KIAA0232: variants seen among roughly 807,000 people sequenced by gnomAD.
KIAA0232 encodes uncharacterized protein KIAA0232.
Under a neutral mutation model 122.0 loss-of-function variants are expected in KIAA0232, and 27 were observed. That is an observed-to-expected ratio of 0.22 (90% CI 0.16 to 0.31). KIAA0232 has a LOEUF of 0.31. Ranked by LOEUF, KIAA0232 falls within the 10% of genes least tolerant of loss-of-function variation. KIAA0232 has a pLI of 1.00. For synonymous variants in KIAA0232, 613 were observed against 587.6 expected (o/e 1.04, Z -0.63); for missense variants, 1,551 against 1,634.2 (o/e 0.95, Z 0.88).
chr4:6,859,123 AC>A lies in KIAA0232; in HGVS notation c.518+618del, dbSNP rs1223773794. ...ATTAAAAAAAAAAAAAAAAAAAAAAACAAGAAAGAAAAGAAATGATTATCCA... is the reference window on the plus strand; with the variant it reads ...ATTAAAAAAAAAAAAAAAAAAAAAAAAAGAAAGAAAAGAAATGATTATCCA... On this transcript the variant is annotated intron_variant, in intron 6 of 9. Coordinates refer to ENST00000307659, the MANE Select transcript of KIAA0232 (RefSeq NM_014743.3). Among the ~76,000 whole-genome samples the A allele has an allele frequency of 4.6e-4, 66 of 142,756 alleles. 1 individual carries two copies. In the South Asian group the frequency reaches 0.011, roughly 23 times the overall value. 93.7% of individuals were successfully genotyped at this position (142,756 alleles called of 152,430 possible). A position where few individuals can be genotyped will look rare whatever the true frequency, so the allele number is the denominator to read the frequency against.
At chr4:6,784,970 C>G (rs991666667) in intron 1 of KIAA0232, among the ~76,000 whole-genome samples, 8 of 146,578 alleles carry the variant, frequency 5.5e-5, no homozygotes, top group African/African-American at 2.0e-4. Flanking sequence ...GACGGAGTCT[C>G]GCTCTGCCGC....
At chr4:6,867,897 C>G (rs139885936) in intron 7 of KIAA0232, among the ~76,000 whole-genome samples, 21 of 152,220 alleles carry the variant, frequency 1.4e-4, no homozygotes, top group African/African-American at 5.1e-4. Flanking sequence ...CACTCTGCAC[C>G]TCTGTGAACT....
intron 3 of KIAA0232, among the ~76,000 whole-genome samples, chr4:6,829,794 G>A (rs1718873351): frequency 1.3e-5 from 2 of 152,160 alleles, no homozygotes; most frequent in African/African-American, 4.8e-5. Flanking sequence ...AACTTAAAAT[G>A]GGAGTTAACT....
At chr4:6,842,323 A>G (rs1274764663) in intron 4 of KIAA0232, 119 bp downstream of exon 4, 5 of 982,204 alleles carry the variant, frequency 5.1e-6, no homozygotes, top group Non-Finnish European at 1.5e-6. Flanking sequence ...TTATTTTACC[A>G]AGTAACATGA....
rs62289421 is a variant in KIAA0232, at chr4:6,784,226, T to C, written c.-354+1385T>C. On this transcript the variant is annotated intron_variant, in intron 1 of 9. Transcript: ENST00000307659. ...TACTTTGACTTACTGTTCAAGTTCC[T>C]AAGAAGGGATTTTACATTTCTGGGT... 4.0e-3 allele frequency among the ~76,000 whole-genome samples: 609 copies of C among 152,134 alleles called. 3 individuals carry two copies. Among genetic ancestry groups the C allele is most frequent in the Non-Finnish European group, 5.1e-3 (344 of 68,012 alleles).
In KIAA0232 at chr4:6,878,379, T is replaced by TCATTCATACATACATA. The variant is rs1553847005; in HGVS notation, c.4008+1625_4008+1626insTCATACATACATACAT. On this transcript the variant is annotated intron_variant, in intron 9 of 9. Coordinates refer to ENST00000307659, the MANE Select transcript of KIAA0232 (RefSeq NM_014743.3). ...GACAGAGCAAAACTCCATCATTCAT[T>TCATTCATACATACATA]CATACATACATACATACATACATAC... Among the ~76,000 whole-genome samples the TCATTCATACATACATA allele has an allele frequency of 1.3e-4, 20 of 149,198 alleles. 1 individual carries two copies. Among genetic ancestry groups the TCATTCATACATACATA allele is most frequent in the African/African-American group, 1.3e-4 (5 of 39,498 alleles).
intron 2 of KIAA0232, among the ~76,000 whole-genome samples, chr4:6,816,401 G>A (rs1313448639): frequency 6.6e-6 from 1 of 151,656 alleles, no homozygotes. Context: ...TCCTGCCTCA[G>A]CCTTCCGAGT....
At chr4:6,869,502 A>C (rs1721355845) in intron 7 of KIAA0232, among the ~76,000 whole-genome samples, 1 of 152,202 alleles carries the variant, frequency 6.6e-6, no homozygotes, top group South Asian at 2.1e-4. Flanking sequence ...CCTTGGAAGA[A>C]CTGCAGGCCT....
chr4:6,802,743 A>G (rs1020132849), intron 1 of KIAA0232, among the ~76,000 whole-genome samples: 3 of 152,170 alleles, frequency 2.0e-5, no homozygotes, highest in African/African-American at 4.8e-5. Flanking sequence ...TGATTCAGGT[A>G]TAGAGCAAGG....
At chr4:6,789,808 C>G (rs1047430879) in intron 1 of KIAA0232, among the ~76,000 whole-genome samples, 11 of 152,172 alleles carry the variant, frequency 7.2e-5, no homozygotes, top group African/African-American at 2.7e-4. Context: ...GGGAGGATCA[C>G]TTGAGCCCAG....
At position 6,801,481 on chromosome 4, in the gene KIAA0232, G is replaced by A. The variant is rs1009143410; in HGVS notation, c.-353-3042G>A. On this transcript the variant is annotated intron_variant, in intron 1 of 9. Transcript: ENST00000307659. ...AGGTGGGAGGATTGCTTGAGCCTAGGAGTTCGTGACCAGCCTGAGCAATGT... is the reference window on the plus strand; with the variant it reads ...AGGTGGGAGGATTGCTTGAGCCTAGAAGTTCGTGACCAGCCTGAGCAATGT... 2.0e-5 allele frequency among the ~76,000 whole-genome samples: 3 copies of A among 152,138 alleles called. No individual in the cohort carries two copies. In the East Asian group the frequency reaches 5.8e-4, roughly 29 times the overall value.
chr4:6,867,797 A>G (rs777229343), intron 7 of KIAA0232, among the ~76,000 whole-genome samples: 2 of 152,138 alleles, frequency 1.3e-5, no homozygotes, highest in Non-Finnish European at 2.9e-5. Context: ...GCGGTAGGTT[A>G]TTTTCCCCAC....
intron 2 of KIAA0232, among the ~76,000 whole-genome samples, chr4:6,821,175 G>A (rs1428649427): frequency 2.0e-5 from 3 of 152,270 alleles, no homozygotes; most frequent in South Asian, 4.1e-4. Flanking sequence ...ATCAGAGAAA[G>A]CATTTGTTTC....
chr4:6,864,395 A>G (rs959772140), intron 7 of KIAA0232, among the ~76,000 whole-genome samples: 1 of 152,194 alleles, frequency 6.6e-6, no homozygotes, highest in African/African-American at 2.4e-5. Context: ...TCTGGAGAGA[A>G]AAAGCTTTTA....
rs148601327 is a variant in KIAA0232 at position 6,840,420 on chromosome 4, G to A, written c.232-1647G>A. Among the ~76,000 whole-genome samples the A allele has an allele frequency of 8.5e-3, 1,298 of 152,284 alleles. 7 individuals carry two copies. The highest frequency in any genetic ancestry group is 0.014 in the Non-Finnish European group (936 of 68,016). ...GGTCATTTAGGCACTGTGAGGCAGG[G>A]GCGTATGCTCAGCAGCTAGCCTCCA... On this transcript the variant is annotated intron_variant, in intron 3 of 9. Coordinates refer to ENST00000307659, the MANE Select transcript of KIAA0232 (RefSeq NM_014743.3).
chr4:6,838,520 T>C (rs1424218248), intron 3 of KIAA0232, among the ~76,000 whole-genome samples: 1 of 152,182 alleles, frequency 6.6e-6, no homozygotes, highest in African/African-American at 2.4e-5. Flanking sequence ...ATGAGGCTTC[T>C]GAGGTTACTG....
intron 1 of KIAA0232, among the ~76,000 whole-genome samples, chr4:6,794,095 A>C (rs556764917): frequency 1.4e-4 from 22 of 152,346 alleles, no homozygotes; most frequent in African/African-American, 5.3e-4. Context: ...GAGAGGAAGC[A>C]GGAGTAGTAT....
chr4:6,838,926 C>A (rs1446201374), intron 3 of KIAA0232, among the ~76,000 whole-genome samples: 1 of 152,044 alleles, frequency 6.6e-6, no homozygotes, highest in Non-Finnish European at 1.5e-5. Context: ...GCCAGGAGTT[C>A]AAGACCAGCC....
chr4:6,837,410 G>A (rs943776776), intron 3 of KIAA0232, among the ~76,000 whole-genome samples: 1 of 151,216 alleles, frequency 6.6e-6, no homozygotes, highest in Non-Finnish European at 1.5e-5. Context: ...GCCGGGAAGA[G>A]GCGCTCCTCA....
Sources: gnomAD v4.1 joint callset for allele counts (sites outside exome capture counted in the v4.1 genomes callset) on GRCh38, gnomAD v4.1.1 for gene constraint, MANE v1.5 for transcripts, NCBI Gene and HGNC (gene_info 2026-07-23, HGNC 2026-07-21) for gene names.